ANKS1B: variants seen among roughly 807,000 people sequenced by gnomAD.
The protein encoded by ANKS1B is ankyrin repeat and sterile alpha motif domain-containing protein 1B.
A neutral mutation model predicts 148.3 loss-of-function variants in ANKS1B; 36 were observed. The observed-to-expected ratio is 0.24, with a 90% CI of 0.19 to 0.32. The LOEUF (loss-of-function observed/expected upper bound fraction) is 0.32, where lower values mean the gene tolerates loss of function less well. ANKS1B is among the 10% of genes least tolerant of loss of function. The pLI, the probability that ANKS1B is intolerant of heterozygous loss-of-function variation, is 1.00. For synonymous variants in ANKS1B, 542 were observed against 560.8 expected (o/e 0.97, Z 0.47); for missense variants, 1,157 against 1,542.6 (o/e 0.75, Z 4.19).
At chr12:99,961,881 C>T (rs1391421568) in intron 1 of ANKS1B, among the ~76,000 whole-genome samples, 1 of 152,080 alleles carries the variant, frequency 6.6e-6, no homozygotes, top group African/African-American at 2.4e-5. Context: ...TCTATGGACA[C>T]CCAAGGACAC....
At chr12:99,472,778 G>A (rs187462395) in intron 10 of ANKS1B, among the ~76,000 whole-genome samples, 7 of 152,156 alleles carry the variant, frequency 4.6e-5, no homozygotes, top group Non-Finnish European at 7.4e-5. Flanking sequence ...CAGCATTTAA[G>A]AAAGCCTATG....
At chr12:99,966,868 T>C (rs576638864) in intron 1 of ANKS1B, among the ~76,000 whole-genome samples, 4 of 152,266 alleles carry the variant, frequency 2.6e-5, no homozygotes, top group African/African-American at 9.6e-5. Flanking sequence ...AAGTTATCTT[T>C]GTGAGGAATG....
chr12:99,945,228 G>A (rs2095031205), intron 1 of ANKS1B, among the ~76,000 whole-genome samples: 1 of 152,210 alleles, frequency 6.6e-6, no homozygotes, highest in Non-Finnish European at 1.5e-5. Context: ...GCCATTCTGA[G>A]GTGATGACAT....
chr12:99,073,396 C>A (rs1285330594), intron 16 of ANKS1B, among the ~76,000 whole-genome samples: 1 of 152,140 alleles, frequency 6.6e-6, no homozygotes, highest in Non-Finnish European at 1.5e-5. Flanking sequence ...AGAGAATGAC[C>A]TTCCATCTTG....
chr12:98,842,139 T>C (rs954498318), intron 17 of ANKS1B, among the ~76,000 whole-genome samples: 1 of 152,222 alleles, frequency 6.6e-6, no homozygotes, highest in Non-Finnish European at 1.5e-5. Context: ...TAAGCAACAT[T>C]ATTCATAATA....
At chr12:99,737,913 C>G (rs1003767761) in intron 8 of ANKS1B, among the ~76,000 whole-genome samples, 28 of 152,242 alleles carry the variant, frequency 1.8e-4, no homozygotes, top group African/African-American at 6.7e-4. Context: ...TTTTAATCTA[C>G]AGCCTCCAAC....
At chr12:98,899,687 G>T (rs2099769504) in intron 17 of ANKS1B, among the ~76,000 whole-genome samples, 1 of 152,064 alleles carries the variant, frequency 6.6e-6, no homozygotes, top group African/African-American at 2.4e-5. Flanking sequence ...CCAATTCCTT[G>T]CAATAAATCT....
At chr12:99,794,069 G>T (rs1217093320) in intron 4 of ANKS1B, among the ~76,000 whole-genome samples, 1 of 151,970 alleles carries the variant, frequency 6.6e-6, no homozygotes, top group African/African-American at 2.4e-5. Flanking sequence ...TATATGAAAA[G>T]GTGTTCAGCA....
At chr12:99,414,982 C>A (rs116219724) in intron 11 of ANKS1B, among the ~76,000 whole-genome samples, 1 of 152,186 alleles carries the variant, frequency 6.6e-6, no homozygotes, top group African/African-American at 2.4e-5. Flanking sequence ...TTTCTTCATA[C>A]AATGTATTCA....
At chr12:99,113,049 C>T (rs1330626112) in intron 15 of ANKS1B, among the ~76,000 whole-genome samples, 1 of 152,138 alleles carries the variant, frequency 6.6e-6, no homozygotes, top group Non-Finnish European at 1.5e-5. Flanking sequence ...ATATTATTTC[C>T]CAACTTTATT....
intron 15 of ANKS1B, among the ~76,000 whole-genome samples, chr12:99,134,645 T>TCTCACACA (rs1380319841): frequency 1.2e-3 from 131 of 105,088 alleles, no homozygotes; most frequent in Middle Eastern, 0.01. Flanking sequence ...TCTCTCTCTC[T>TCTCACACA]CACACACACA....
intron 19 of ANKS1B, among the ~76,000 whole-genome samples, chr12:98,820,605 T>A (rs1050207573): frequency 6.6e-6 from 1 of 152,190 alleles, no homozygotes; most frequent in Admixed American, 6.5e-5. Context: ...ATAGCCAACA[T>A]ACACTTTACC....
At chr12:99,119,425 T>A (rs760824239) in intron 15 of ANKS1B, among the ~76,000 whole-genome samples, 12 of 152,020 alleles carry the variant, frequency 7.9e-5, no homozygotes, top group Non-Finnish European at 8.8e-5. Flanking sequence ...AAGATAAATG[T>A]TTTTTTTAGC....
intron 20 of ANKS1B, among the ~76,000 whole-genome samples, chr12:98,806,389 C>T (rs538345221): frequency 8.5e-5 from 13 of 152,232 alleles, no homozygotes; most frequent in Non-Finnish European, 1.5e-4. Flanking sequence ...CACCTACTTG[C>T]TTATAAATTT....
intron 9 of ANKS1B, among the ~76,000 whole-genome samples, chr12:99,584,878 C>A (rs2097612929): frequency 6.6e-6 from 1 of 152,058 alleles, no homozygotes; most frequent in Non-Finnish European, 1.5e-5. Flanking sequence ...AATTACCTTC[C>A]ACTGGGTCCC....
chr12:99,885,908 T>C (rs1293693488), intron 1 of ANKS1B, among the ~76,000 whole-genome samples: 1 of 152,196 alleles, frequency 6.6e-6, no homozygotes, highest in Non-Finnish European at 1.5e-5. Flanking sequence ...CCCAGTTCCA[T>C]CCAAGTTGCT....
At chr12:99,805,472 A>G (rs2067520722) in intron 4 of ANKS1B, among the ~76,000 whole-genome samples, 1 of 151,270 alleles carries the variant, frequency 6.6e-6, no homozygotes, top group Non-Finnish European at 1.5e-5. Flanking sequence ...AAAAATACAA[A>G]ACTTAGCTGG....
intron 1 of ANKS1B, among the ~76,000 whole-genome samples, chr12:99,969,517 G>A (rs1246798605): frequency 1.3e-5 from 2 of 152,028 alleles, no homozygotes; most frequent in Admixed American, 6.6e-5. Context: ...ACTGACAAGG[G>A]CATATTTTTA....
intron 17 of ANKS1B, among the ~76,000 whole-genome samples, chr12:98,904,931 A>T (rs894559484): frequency 6.6e-6 from 1 of 152,108 alleles, no homozygotes; most frequent in Admixed American, 6.6e-5. Context: ...ATCAAGCAGC[A>T]TTAGAATTAA....
Sources: gnomAD v4.1 joint callset for allele counts (sites outside exome capture counted in the v4.1 genomes callset) on GRCh38, gnomAD v4.1.1 for gene constraint, MANE v1.5 for transcripts, NCBI Gene and HGNC (gene_info 2026-07-23, HGNC 2026-07-21) for gene names.